CTIF: variants seen among roughly 807,000 people sequenced by gnomAD.
CTIF encodes the protein cap binding complex dependent translation initiation factor.
CTIF carries 21 observed loss-of-function variants against 66.0 expected under a neutral mutation model. The ratio of observed to expected loss-of-function variants is 0.32; its 90% CI spans 0.23 to 0.46. The LOEUF is 0.46. CTIF is among the 20% of genes least tolerant of loss of function. The probability of loss-of-function intolerance (pLI) is 1.00; values close to 1 mark genes in which losing one functional copy is unlikely to be tolerated. For synonymous variants in CTIF, 345 were observed against 326.4 expected, an observed-to-expected ratio of 1.06 and a Z score of -0.62; for missense variants, 739 against 812.7, an observed-to-expected ratio of 0.91 and a Z score of 1.10.
At chr18:48,591,699 G>A (rs756349540) in intron 1 of CTIF, among the ~76,000 whole-genome samples, 1 of 152,252 alleles carries the variant, frequency 6.6e-6, no homozygotes, top group Non-Finnish European at 1.5e-5. Context: ...GTTAGAGTAA[G>A]TAATGGACCT....
chr18:48,646,662 A>C (rs1434968457), intron 3 of CTIF, among the ~76,000 whole-genome samples: 2 of 151,748 alleles, frequency 1.3e-5, no homozygotes, highest in African/African-American at 4.8e-5. Context: ...TAGGAGGATC[A>C]CTTGAGCCTG....
At chr18:48,790,546 A>G (rs2067769817) in intron 9 of CTIF, among the ~76,000 whole-genome samples, 1 of 152,024 alleles carries the variant, frequency 6.6e-6, no homozygotes, top group African/African-American at 2.4e-5. Context: ...CCCCGGACAC[A>G]CGTACCCCAC....
At chr18:48,706,789 G>A (rs2092161147) in intron 6 of CTIF, among the ~76,000 whole-genome samples, 2 of 152,192 alleles carry the variant, frequency 1.3e-5, no homozygotes, top group South Asian at 2.1e-4. Flanking sequence ...GTGCACGTGT[G>A]TGTTCCACGT....
At chr18:48,767,417 G>T (rs7505092) in intron 9 of CTIF, among the ~76,000 whole-genome samples, 23,692 of 152,080 alleles carry the variant, frequency 0.16, 2,020 homozygotes, top group African/African-American at 0.23. Context: ...CCTTTGCTGA[G>T]ACAGGCTTGG....
chr18:48,695,274 C>G (rs2091989605), intron 6 of CTIF, among the ~76,000 whole-genome samples: 1 of 152,252 alleles, frequency 6.6e-6, no homozygotes, highest in African/African-American at 2.4e-5. Flanking sequence ...AAGCCACATT[C>G]ATTATTCATT....
At chr18:48,859,247 C>A in intron 11 of CTIF, 97 bp from the exon 12 acceptor site, 1 of 1,045,582 alleles carries the variant, frequency 9.6e-7, no homozygotes, top group Admixed American at 1.7e-5. Flanking sequence ...GTCCTTAAGA[C>A]AACCCAGCTA....
intron 1 of CTIF, among the ~76,000 whole-genome samples, chr18:48,551,820 C>T (rs185769871): frequency 1.3e-3 from 193 of 150,834 alleles, no homozygotes; most frequent in Admixed American, 9.7e-3. Context: ...TTTTTGGAGA[C>T]GGAGTCTTAC....
intron 7 of CTIF, among the ~76,000 whole-genome samples, chr18:48,730,883 T>A (rs890263254): frequency 6.6e-6 from 1 of 151,908 alleles, no homozygotes. Context: ...TGTGAGGGGC[T>A]TCCACAGTGG....
chr18:48,635,809 G>A (rs1598777506), intron 2 of CTIF, among the ~76,000 whole-genome samples: 1 of 152,150 alleles, frequency 6.6e-6, no homozygotes, highest in African/African-American at 2.4e-5. Flanking sequence ...GCTCACAAAG[G>A]TCTTTCATCC....
intron 6 of CTIF, among the ~76,000 whole-genome samples, chr18:48,675,483 C>T (rs1337589679): frequency 6.6e-6 from 1 of 152,212 alleles, no homozygotes; most frequent in African/African-American, 2.4e-5. Context: ...TCCCCTGGTC[C>T]CAGCGCCAGC....
At chr18:48,698,103 TTAAAAAAAAAAAAAAA>T (rs2092032418) in intron 6 of CTIF, among the ~76,000 whole-genome samples, 1 of 18,966 alleles carries the variant, frequency 5.3e-5, no homozygotes, top group Non-Finnish European at 9.9e-5. Context: ...GTAGCCATCA[TTAAAAAAAAAAAAAAA>T]AAAAAAAAAA....
chr18:48,791,126 G>A (rs1221551798), intron 9 of CTIF, among the ~76,000 whole-genome samples: 3 of 152,236 alleles, frequency 2.0e-5, no homozygotes, highest in African/African-American at 7.2e-5. Context: ...CCCAGAGAGG[G>A]GTTGACACCA....
At chr18:48,696,265 C>T (rs2092006481) in intron 6 of CTIF, among the ~76,000 whole-genome samples, 1 of 152,198 alleles carries the variant, frequency 6.6e-6, no homozygotes. Flanking sequence ...TTACTTTCAC[C>T]TCCAGCCCTT....
intron 10 of CTIF, among the ~76,000 whole-genome samples, chr18:48,825,148 T>C (rs572700689): frequency 2.6e-5 from 4 of 152,204 alleles, no homozygotes; most frequent in African/African-American, 9.6e-5. Flanking sequence ...GGCAGGGCGC[T>C]TTCTGCCAGG....
At chr18:48,620,444 A>C (rs2090473532) in intron 2 of CTIF, among the ~76,000 whole-genome samples, 2 of 152,214 alleles carry the variant, frequency 1.3e-5, no homozygotes, top group Non-Finnish European at 2.9e-5. Context: ...ATCTTTGCCT[A>C]ACACCACAAA....
At chr18:48,717,225 C>T (rs2092289997) in intron 7 of CTIF, among the ~76,000 whole-genome samples, 1 of 151,954 alleles carries the variant, frequency 6.6e-6, no homozygotes, top group Admixed American at 6.6e-5. Flanking sequence ...CATGGAGAAA[C>T]CCCGTCTCTA....
intron 9 of CTIF, among the ~76,000 whole-genome samples, chr18:48,777,004 C>T (rs1388487464): frequency 6.6e-6 from 1 of 152,222 alleles, no homozygotes; most frequent in Non-Finnish European, 1.5e-5. Context: ...TCATTTCAGA[C>T]ATTCCTTCCA....
intron 10 of CTIF, among the ~76,000 whole-genome samples, chr18:48,842,830 A>G (rs368510215): frequency 4.4e-4 from 67 of 152,320 alleles, no homozygotes; most frequent in African/African-American, 1.6e-3. Flanking sequence ...CCACGGAGAC[A>G]CTTATCACAC....
At position 48,720,969 on chromosome 18, in the gene CTIF, C is replaced by T. The variant is rs563494857; in HGVS notation, c.584+9274C>T. Among the ~76,000 whole-genome samples the T allele has an allele frequency of 2.0e-5, 3 of 152,308 alleles. No homozygotes were observed. The South Asian group carries it at 6.2e-4, about 32-fold the overall frequency. ...CAAGGCTCTGGGGGTTCTCTCCCAT[C>T]GGGACCCACATCCACGCGGGGGACA... On this transcript the variant is annotated intron_variant, in intron 7 of 11. Transcript: ENST00000256413.
Sources: allele counts gnomAD v4.1 joint callset (sites outside exome capture counted in the v4.1 genomes callset), GRCh38; gene constraint gnomAD v4.1.1; transcripts MANE v1.5; gene names NCBI Gene and HGNC (gene_info 2026-07-23, HGNC 2026-07-21).